TMCO5A: variants seen among roughly 807,000 people sequenced by gnomAD.
The protein encoded by TMCO5A is transmembrane and coiled-coil domain-containing protein 5A.
TMCO5A carries 34 observed loss-of-function variants against 42.3 expected under a neutral mutation model. That is an observed-to-expected ratio of 0.80 (90% CI 0.61 to 1.07). The LOEUF is 1.07. Ranked by LOEUF, TMCO5A falls within the 50% of genes least tolerant of loss-of-function variation. The probability of loss-of-function intolerance (pLI) is 0.00; values close to 1 mark genes in which losing one functional copy is unlikely to be tolerated. For missense variants in TMCO5A, 357 were observed against 327.9 expected (o/e 1.09, Z -0.69); for synonymous variants, 131 against 115.6 (o/e 1.13, Z -0.86).
chr15:37,973,846 A>G, the TMCO5A span, among the ~76,000 whole-genome samples: 4 of 151,490 alleles, frequency 2.6e-5, no homozygotes, highest in African/African-American at 9.7e-5. Context: ...TCTTGTTCCA[A>G]TTCTCAAATG....
chr15:37,942,141 T>A (rs1241072943), intron 8 of TMCO5A, 50 bp from the exon 9 acceptor site: 4 of 1,562,036 alleles, frequency 2.6e-6, no homozygotes, highest in Non-Finnish European at 8.8e-7. Context: ...CTTAGAAAAA[T>A]TGTAAACCTT....
the TMCO5A span, among the ~76,000 whole-genome samples, chr15:37,981,549 A>G: frequency 6.6e-6 from 1 of 152,214 alleles, no homozygotes; most frequent in East Asian, 1.9e-4. Flanking sequence ...GGGCACAGTG[A>G]CAAGCGCATG....
the TMCO5A span, among the ~76,000 whole-genome samples, chr15:38,000,571 C>T: frequency 0.14 from 20,683 of 151,710 alleles, 2,585 homozygotes; most frequent in African/African-American, 0.33. Flanking sequence ...TTGATTTGCT[C>T]TTGTTTTTCC....
At chr15:37,984,681 C>CTTTTTTTTTTTTTTTTTTT in the TMCO5A span, 1 of 41,876 alleles carries the variant, frequency 2.4e-5, no homozygotes. Context: ...GAACATTTGT[C>CTTTTTTTTTTTTTTTTTTT]TTTTTTTTTT....
chr15:38,037,129 G>A, the TMCO5A span, among the ~76,000 whole-genome samples: 1 of 152,154 alleles, frequency 6.6e-6, no homozygotes, highest in Non-Finnish European at 1.5e-5. Flanking sequence ...TACCAGCGAG[G>A]TGTTAATGTG....
In TMCO5A at chr15:37,936,985, G is replaced by C. The variant is rs1256970167; in HGVS notation, c.264+15G>C. 1 of 1,611,166 alleles carries C rather than the reference G, an allele frequency of 6.2e-7. No homozygotes were observed. The highest frequency in any genetic ancestry group is 8.5e-7 in the Non-Finnish European group (1 of 1,178,562). On this transcript the variant is annotated intron_variant, in intron 4 of 11. Transcript: ENST00000319669. ...CAGCCAGACTTGTAAGCAAGAAGTT[G>C]GGAAGAGCCATTTAATAGGTTGCAT...
the TMCO5A span, among the ~76,000 whole-genome samples, chr15:37,981,288 A>T: frequency 6.6e-6 from 1 of 152,028 alleles, no homozygotes; most frequent in Non-Finnish European, 1.5e-5. Flanking sequence ...ATTACCGTAG[A>T]AGGAGATTCA....
chr15:37,992,542 C>T, the TMCO5A span, among the ~76,000 whole-genome samples: 1 of 152,108 alleles, frequency 6.6e-6, no homozygotes, highest in Admixed American at 6.6e-5. Context: ...AGGACACATG[C>T]ACGTATACAT....
the TMCO5A span, chr15:38,020,289 A>C: frequency 6.6e-6 from 1 of 152,166 alleles, no homozygotes; most frequent in African/African-American, 2.4e-5. Flanking sequence ...AAAACACAGG[A>C]TGTATTTTAA....
intron 10 of TMCO5A, chr15:37,943,917 C>G (rs985434313): frequency 2.0e-5 from 3 of 153,192 alleles, no homozygotes; most frequent in South Asian, 2.0e-4. Context: ...GCAAAGCCAC[C>G]AGCACACATG....
At chr15:37,937,240 C>A in intron 4 of TMCO5A, 106 bp from the exon 5 acceptor site, 1 of 1,356,828 alleles carries the variant, frequency 7.4e-7, no homozygotes, top group South Asian at 1.2e-5. Flanking sequence ...CAAATAAGGT[C>A]AAGTTACTGC....
At chr15:38,009,277 A>G in the TMCO5A span, among the ~76,000 whole-genome samples, 227 of 152,336 alleles carry the variant, frequency 1.5e-3, 5 homozygotes, top group South Asian at 0.045. Context: ...AAAACTAATT[A>G]TAGAGAAGTG....
chr15:37,938,305 T>C (rs1889602730), intron 6 of TMCO5A, 76 bp downstream of exon 6: 1 of 1,266,934 alleles, frequency 7.9e-7, no homozygotes, highest in Non-Finnish European at 1.1e-6. Context: ...GAAATCAATG[T>C]CAACGTTGTG....
At chr15:37,940,234 C>G (rs1005898065) in intron 6 of TMCO5A, among the ~76,000 whole-genome samples, 1 of 152,058 alleles carries the variant, frequency 6.6e-6, no homozygotes, top group Non-Finnish European at 1.5e-5. Flanking sequence ...TTAGAAGAAC[C>G]GAAATCCTTT....
chr15:38,031,954 A>C, the TMCO5A span, among the ~76,000 whole-genome samples: 1 of 148,224 alleles, frequency 6.7e-6, no homozygotes, highest in Non-Finnish European at 1.5e-5. Context: ...TCACCAGGAC[A>C]ATTGCTTTTT....
the TMCO5A span, among the ~76,000 whole-genome samples, chr15:38,014,904 T>G: frequency 1.5e-5 from 2 of 129,504 alleles, no homozygotes; most frequent in Non-Finnish European, 3.2e-5. Context: ...TATATGAGTT[T>G]ATGAAGTATT....
chr15:37,994,016 A>G, the TMCO5A span, among the ~76,000 whole-genome samples: 2 of 152,304 alleles, frequency 1.3e-5, no homozygotes, highest in African/African-American at 4.8e-5. Context: ...CTGCTCTACC[A>G]TCTTCCCAGA....
Position 37,960,852 on chromosome 15 carries a change from C to A in TMCO5A, c.669-5773C>A, listed in dbSNP as rs904997997. 6.6e-5 allele frequency among the ~76,000 whole-genome samples: 10 copies of A among 152,008 alleles called. No individual in the cohort carries two copies. The South Asian group carries it at 8.3e-4, about 13-fold the overall frequency. On this transcript the variant is annotated intron_variant, in intron 11 of 11. Coordinates refer to the TMCO5A transcript ENST00000559502. ...TTCTTTTGAGAATTGTCTATTCATG[C>A]CCTTAGGCTAATTTTTAATGGGATT...
the TMCO5A span, among the ~76,000 whole-genome samples, chr15:37,999,772 C>T: frequency 6.6e-6 from 1 of 152,108 alleles, no homozygotes; most frequent in Non-Finnish European, 1.5e-5. Context: ...TTTTCAGCAT[C>T]AATTGAAATG....
Sources: allele counts gnomAD v4.1 joint callset (sites outside exome capture counted in the v4.1 genomes callset), GRCh38; gene constraint gnomAD v4.1.1; transcripts MANE v1.5; gene names NCBI Gene and HGNC (gene_info 2026-07-23, HGNC 2026-07-21).